RSPH4A: variants seen among roughly 807,000 people sequenced by gnomAD.
RSPH4A encodes radial spoke head protein 4 homolog A.
In RSPH4A, 47 loss-of-function variants were observed where a neutral mutation model predicts 71.0. The observed-to-expected ratio is 0.66, with a 90% CI of 0.52 to 0.84. The LOEUF (loss-of-function observed/expected upper bound fraction) is 0.84, where lower values mean the gene tolerates loss of function less well. Ranked by LOEUF, RSPH4A falls within the 40% of genes least tolerant of loss-of-function variation. RSPH4A has a pLI of 0.00. For synonymous variants in RSPH4A, 282 were observed against 302.3 expected, an observed-to-expected ratio of 0.93 and a Z score of 0.70; for missense variants, 793 against 855.2, an observed-to-expected ratio of 0.93 and a Z score of 0.91.
Position 116,627,624 on chromosome 6 carries a change from C to T in RSPH4A, c.922-5C>T, listed in dbSNP as rs1273864791. The T allele has an allele frequency of 1.2e-6, 2 of 1,611,602 alleles. No individual in the cohort carries two copies. Among genetic ancestry groups the T allele is most frequent in the Middle Eastern group, 1.7e-4 (1 of 6,056 alleles). On this transcript the variant is annotated splice_region_variant and splice_polypyrimidine_tract_variant and intron_variant, in intron 2 of 5. Coordinates refer to ENST00000229554, the MANE Select transcript of RSPH4A (RefSeq NM_001010892.3). ...AAATTTTAACCACAGCATTTGTTTC[C>T]CCAGGCAGAAAACGCTCTTCCAAAT...
Position 116,628,335 on chromosome 6 carries a change from A to T in RSPH4A, c.1628A>T (p.Asn543Ile). 6.2e-7 allele frequency: 1 copy of T among 1,612,986 alleles called. No homozygotes were observed. Among genetic ancestry groups the T allele is most frequent in the South Asian group, 1.1e-5 (1 of 90,994 alleles). ...ATTGATCTAGTAGAATCCCTATCCA[A>T]TTGGGTTCATCATGTACAGCATATT... ...QVIDLVESLS[N>I]WVHHVQHILS... The change falls in exon 3 of 6, where the codon AAT (asparagine) becomes ATT (isoleucine). Residue 543 changes from asparagine (N) to isoleucine (I), a missense_variant. Transcript: ENST00000229554.
intron 1 of RSPH4A, among the ~76,000 whole-genome samples, chr6:116,621,794 G>A (rs927975348): frequency 6.6e-6 from 1 of 152,144 alleles, no homozygotes; most frequent in Non-Finnish European, 1.5e-5. Context: ...CAAAGTTGGA[G>A]AGATACGATG....
chr6:116,622,773 A>T lies in RSPH4A; in HGVS notation c.692A>T (p.Asp231Val). ...AATTTTCTCTGTTTGGATAGATATG[A>T]TCATCTTTCTAATATGTTGACCAAG... ...TSSNSGFNLY[D>V]HLSNMLTKIL... is the part of the protein sequence containing the mutation. The change falls in exon 2 of 6, where the codon GAT becomes GTT. Residue 231 changes from aspartate to valine, a missense_variant. By Grantham distance (152) the Asp-to-Val change is radical (BLOSUM62 -3). Transcript: ENST00000229554. 1 of 1,582,202 alleles carries T rather than the reference A, an allele frequency of 6.3e-7. No individual in the cohort carries two copies. Among genetic ancestry groups the T allele is most frequent in the Non-Finnish European group, 8.7e-7 (1 of 1,151,414 alleles).
chr6:116,616,616 C>T lies in RSPH4A; in HGVS notation c.-8C>T. The T allele has an allele frequency of 6.2e-7, 1 of 1,606,904 alleles. No individual in the cohort carries two copies. Among genetic ancestry groups the T allele is most frequent in the Non-Finnish European group, 8.5e-7 (1 of 1,176,242 alleles). On this transcript the variant is annotated 5_prime_UTR_variant, in exon 1 of 6. Coordinates refer to ENST00000229554, the MANE Select transcript of RSPH4A (RefSeq NM_001010892.3). ...CATCCAGAACATTTTTTTTCTTGAA[C>T]TGCTTCCATGGAGGACTCAACCTCC...
At chr6:116,623,130 G>A (rs533753707) in intron 2 of RSPH4A, 128 bp downstream of exon 2, 1 of 719,032 alleles carries the variant, frequency 1.4e-6, no homozygotes, top group South Asian at 1.6e-5. Context: ...GTTTTGTTTA[G>A]ACAGGCTCCC....
At chr6:116,618,879 C>T (rs1775556367) in intron 1 of RSPH4A, among the ~76,000 whole-genome samples, 1 of 152,190 alleles carries the variant, frequency 6.6e-6, no homozygotes, top group Non-Finnish European at 1.5e-5. Flanking sequence ...AATTACAAGC[C>T]CCAGGCTGAT....
At chr6:116,628,960 AAG>A (rs1221545482) in intron 3 of RSPH4A, among the ~76,000 whole-genome samples, 1 of 152,294 alleles carries the variant, frequency 6.6e-6, no homozygotes, top group South Asian at 2.1e-4. Flanking sequence ...AGGAAATTGA[AAG>A]AGAGTTTAGG....
intron 1 of RSPH4A, among the ~76,000 whole-genome samples, chr6:116,621,678 G>A (rs1246195768): frequency 6.6e-6 from 1 of 152,144 alleles, no homozygotes; most frequent in South Asian, 2.1e-4. Flanking sequence ...TTTTTTGAGA[G>A]AAATTATATA....
intron 5 of RSPH4A, 134 bp from the exon 6 acceptor site, chr6:116,632,073 C>A: frequency 1.5e-6 from 1 of 648,412 alleles, no homozygotes; most frequent in Non-Finnish European, 2.7e-6. Context: ...TATTTCACTT[C>A]TAGCATTTTA....
In RSPH4A at chr6:116,627,645, C is replaced by T. The variant is rs1224591968; in HGVS notation, c.938C>T (p.Pro313Leu). The T allele has an allele frequency of 1.9e-6, 3 of 1,613,906 alleles. No homozygotes were observed. The highest frequency in any genetic ancestry group is 1.7e-5 in the Admixed American group (1 of 59,982). Residue 313 changes from proline (P) to leucine (L), a missense_variant, in exon 3 of 6, where the codon CCA becomes CTA. Pro to Leu is a moderately conservative substitution (Grantham distance 98). Coordinates refer to ENST00000229554, the MANE Select transcript of RSPH4A (RefSeq NM_001010892.3). Reference sequence around the variant, plus strand: ...TTTCCCCAGGCAGAAAACGCTCTTCCAAATGTAATGGAGTCAGCTTTTTAT... The same window carrying T: ...TTTCCCCAGGCAGAAAACGCTCTTCTAAATGTAATGGAGTCAGCTTTTTAT... ...LEDEIAENALPNVMESAFYFE... is the reference protein window; with the variant it reads ...LEDEIAENALLNVMESAFYFE...
At chr6:116,624,547 G>A (rs1287883626) in intron 2 of RSPH4A, among the ~76,000 whole-genome samples, 1 of 152,152 alleles carries the variant, frequency 6.6e-6, no homozygotes, top group African/African-American at 2.4e-5. Context: ...TTCCTAATAA[G>A]GGATAAGATT....
At chr6:116,622,650 T>C (rs1775628201) in intron 1 of RSPH4A, 118 bp from the exon 2 acceptor site, 1 of 694,520 alleles carries the variant, frequency 1.4e-6, no homozygotes. Flanking sequence ...TATATTTTGT[T>C]TTTTTCTTTT....
Position 116,632,240 on chromosome 6 carries a change from T to C in RSPH4A, c.1950T>C (p.His650=). ...AAAATTTCTACATAGGCTGGGGTCA[T>C]AAGTATAGTCCAGACAATTATACAC... ...KFENFYIGWG[H]KYSPDNYTPP... Residue 650 remains histidine, a synonymous_variant, in exon 6 of 6, where the codon CAT becomes CAC. Coordinates refer to ENST00000229554, the MANE Select transcript of RSPH4A (RefSeq NM_001010892.3). The C allele has an allele frequency of 6.2e-7, 1 of 1,611,962 alleles. No individual in the cohort carries two copies. Among genetic ancestry groups the C allele is most frequent in the Middle Eastern group, 2.2e-4 (1 of 4,630 alleles).
rs1775716702 is a variant in RSPH4A, at chr6:116,627,567, A to G, written c.922-62A>G. The G allele has an allele frequency of 7.2e-6, 9 of 1,253,288 alleles. 1 individual carries two copies. In the Admixed American group the frequency reaches 1.5e-4, roughly 21 times the overall value. 77.6% of individuals were successfully genotyped at this position (1,253,288 alleles called of 1,614,324 possible). Reference sequence around the variant, plus strand: ...AGTAGAATATCGAGATACATGAAAAAGACAAGGGAAGCAAGCATTTGTCTT... The same window carrying G: ...AGTAGAATATCGAGATACATGAAAAGGACAAGGGAAGCAAGCATTTGTCTT... On this transcript the variant is annotated intron_variant, in intron 2 of 5. Transcript: ENST00000229554.
Position 116,630,465 on chromosome 6 carries a change from G to C in RSPH4A, c.1829G>C (p.Arg610Pro), listed in dbSNP as rs751741926. 4 of 1,607,600 alleles carry C rather than the reference G, an allele frequency of 2.5e-6. No individual in the cohort carries two copies. Among genetic ancestry groups the C allele is most frequent in the Admixed American group, 3.3e-5 (2 of 59,952 alleles). Residue 610 changes from arginine (R) to proline (P), a missense_variant, in exon 5 of 6, where the codon CGG becomes CCG. Coordinates refer to ENST00000229554, the MANE Select transcript of RSPH4A (RefSeq NM_001010892.3). ...EIQNIPPWTT[R>P]LSSNLIPQYA... ...CAGAATATACCCCCCTGGACAACAC[G>C]GTTATCCTCAAATCTCATTCCACAA...
intron 5 of RSPH4A, 36 bp from the exon 6 acceptor site, chr6:116,632,171 A>G (rs1775814448): frequency 1.4e-6 from 2 of 1,472,300 alleles, no homozygotes; most frequent in African/African-American, 1.4e-5. Flanking sequence ...AAATTATATA[A>G]TGATCTTTTT....
chr6:116,622,970 G>C lies in RSPH4A; in HGVS notation c.889G>C (p.Glu297Gln), dbSNP rs1235682233. 1.2e-6 allele frequency: 2 copies of C among 1,612,388 alleles called. No individual in the cohort carries two copies. The highest frequency in any genetic ancestry group is 1.7e-6 in the Non-Finnish European group (2 of 1,178,566). Residue 297 changes from glutamate (E) to glutamine (Q), a missense_variant, in exon 2 of 6, where the codon GAA becomes CAA. Glu to Gln is a conservative substitution (Grantham distance 29). Coordinates refer to ENST00000229554, the MANE Select transcript of RSPH4A (RefSeq NM_001010892.3). ...GGCTCTTTTTCTCCAGGGACATTTG[G>C]AAGGAGTTGACCAAGAATTGGAAGA... Reference protein sequence around the residue: ...QKALFLQGHLEGVDQELEDEI... With the variant: ...QKALFLQGHLQGVDQELEDEI...
intron 1 of RSPH4A, among the ~76,000 whole-genome samples, chr6:116,622,116 TG>T (rs2115355675): frequency 6.6e-6 from 1 of 152,224 alleles, no homozygotes; most frequent in Non-Finnish European, 1.5e-5. Flanking sequence ...TAATATTTAA[TG>T]GCTTTTTTTG....
At chr6:116,621,566 C>T (rs894982869) in intron 1 of RSPH4A, among the ~76,000 whole-genome samples, 2 of 152,100 alleles carry the variant, frequency 1.3e-5, no homozygotes, top group Non-Finnish European at 2.9e-5. Context: ...TTCAGAGCAG[C>T]ATATCATTGT....
Sources: allele counts gnomAD v4.1 joint callset (sites outside exome capture counted in the v4.1 genomes callset), GRCh38; gene constraint gnomAD v4.1.1; transcripts MANE v1.5; gene names NCBI Gene and HGNC (gene_info 2026-07-23, HGNC 2026-07-21).